CSMD1: variants seen among roughly 807,000 people sequenced by gnomAD.
CSMD1 encodes CUB and Sushi multiple domains 1, also known as CUB and sushi domain-containing protein 1.
A neutral mutation model predicts 417.5 loss-of-function variants in CSMD1; 213 were observed. The observed-to-expected ratio is 0.51, with a 90% CI of 0.46 to 0.57. The LOEUF is 0.57. Among genes scored for constraint, CSMD1 ranks in the 20% least tolerant of loss-of-function variants. The probability of loss-of-function intolerance (pLI) is 0.00; values close to 1 mark genes in which losing one functional copy is unlikely to be tolerated. For synonymous variants in CSMD1, 2,862 were observed against 1,736.8 expected (o/e 1.65, Z -16.11); for missense variants, 6,923 against 4,529.7 (o/e 1.53, Z -15.17).
intron 3 of CSMD1, among the ~76,000 whole-genome samples, chr8:4,069,499 G>A (rs377197486): frequency 6.6e-6 from 1 of 152,140 alleles, no homozygotes; most frequent in Admixed American, 6.5e-5. Context: ...TGTGCAGACA[G>A]CCTGACATTT....
intron 3 of CSMD1, among the ~76,000 whole-genome samples, chr8:4,316,453 G>T (rs372701720): frequency 2.6e-5 from 4 of 151,912 alleles, no homozygotes; most frequent in Admixed American, 6.6e-5. Flanking sequence ...TGTGGTTTTC[G>T]CCATTACTTT....
intron 1 of CSMD1, among the ~76,000 whole-genome samples, chr8:4,721,643 A>T (rs1049365778): frequency 5.9e-5 from 9 of 152,228 alleles, no homozygotes; most frequent in African/African-American, 2.2e-4. Flanking sequence ...ATGGAAGAGT[A>T]TGGAGGTTCC....
At chr8:3,198,123 A>G (rs900094625) in intron 33 of CSMD1, among the ~76,000 whole-genome samples, 2 of 152,212 alleles carry the variant, frequency 1.3e-5, no homozygotes. Context: ...ATTACTTTAA[A>G]TAAGCATAAT....
intron 7 of CSMD1, among the ~76,000 whole-genome samples, chr8:3,692,071 G>C (rs1800277555): frequency 6.6e-6 from 1 of 152,176 alleles, no homozygotes; most frequent in African/African-American, 2.4e-5. Context: ...TGAGATCTCA[G>C]TCAACTTCGC....
At chr8:3,535,257 T>C (rs1261578700) in intron 10 of CSMD1, among the ~76,000 whole-genome samples, 1 of 152,078 alleles carries the variant, frequency 6.6e-6, no homozygotes, top group African/African-American at 2.4e-5. Context: ...CCAGCCACTG[T>C]GGGAAGCTAA....
intron 2 of CSMD1, among the ~76,000 whole-genome samples, chr8:4,455,303 A>T (rs760368535): frequency 5.9e-5 from 9 of 152,210 alleles, no homozygotes; most frequent in Non-Finnish European, 1.3e-4. Flanking sequence ...TCTTGCATCC[A>T]TTAGCAAAGA....
intron 8 of CSMD1, among the ~76,000 whole-genome samples, chr8:3,603,175 A>C (rs898597589): frequency 1.3e-5 from 2 of 152,190 alleles, no homozygotes; most frequent in African/African-American, 4.8e-5. Flanking sequence ...GTAGTTCTTA[A>C]AAAATGCAGT....
chr8:4,806,241 G>C (rs542236241), intron 1 of CSMD1, among the ~76,000 whole-genome samples: 1 of 152,088 alleles, frequency 6.6e-6, no homozygotes, highest in African/African-American at 2.4e-5. Flanking sequence ...ATAGCTTACT[G>C]AGGATCATGC....
intron 25 of CSMD1, among the ~76,000 whole-genome samples, chr8:3,300,845 G>T (rs1393118528): frequency 6.6e-6 from 1 of 150,838 alleles, no homozygotes; most frequent in Non-Finnish European, 1.5e-5. Flanking sequence ...TGTAATCCCA[G>T]CTACTCAGGA....
chr8:3,707,432 A>G (rs1024516216), intron 7 of CSMD1, among the ~76,000 whole-genome samples: 2 of 152,258 alleles, frequency 1.3e-5, no homozygotes, highest in East Asian at 3.8e-4. Flanking sequence ...GGCTAGAAAC[A>G]TCACATGAAA....
At chr8:3,608,320 A>G (rs1471610) in intron 8 of CSMD1, among the ~76,000 whole-genome samples, 113,728 of 152,042 alleles carry the variant, frequency 0.75, 42,962 homozygotes, top group Middle Eastern at 0.82. Context: ...ATGGATAGAC[A>G]TGAAGGGGGC....
At chr8:4,313,076 C>G (rs898990478) in intron 3 of CSMD1, among the ~76,000 whole-genome samples, 3 of 152,088 alleles carry the variant, frequency 2.0e-5, no homozygotes, top group Non-Finnish European at 4.4e-5. Context: ...CCCATGATAG[C>G]CATAGAGCTA....
intron 1 of CSMD1, among the ~76,000 whole-genome samples, chr8:4,786,070 G>C (rs1388582557): frequency 6.6e-6 from 1 of 151,944 alleles, no homozygotes; most frequent in Admixed American, 6.6e-5. Context: ...ATAAAAATAC[G>C]AATAAAATGG....
chr8:3,574,467 G>A (rs374169682), intron 10 of CSMD1, among the ~76,000 whole-genome samples: 1 of 152,076 alleles, frequency 6.6e-6, no homozygotes, highest in Non-Finnish European at 1.5e-5. Flanking sequence ...ACTGGTTTTA[G>A]AACTCCTGAC....
chr8:4,744,736 A>G (rs1358479562), intron 1 of CSMD1, among the ~76,000 whole-genome samples: 1 of 152,188 alleles, frequency 6.6e-6, no homozygotes, highest in Non-Finnish European at 1.5e-5. Context: ...TAATTATACT[A>G]ATTAGTGTAT....
chr8:4,610,783 T>C (rs1025125152), intron 2 of CSMD1, among the ~76,000 whole-genome samples: 22 of 152,220 alleles, frequency 1.4e-4, no homozygotes, highest in African/African-American at 4.8e-4. Context: ...ACATGGTTGA[T>C]ATTGCCTTTC....
At chr8:4,447,924 A>G (rs1403895529) in intron 2 of CSMD1, among the ~76,000 whole-genome samples, 1 of 152,182 alleles carries the variant, frequency 6.6e-6, no homozygotes, top group Non-Finnish European at 1.5e-5. Flanking sequence ...AAATGACGAC[A>G]ATTACCACAC....
chr8:3,187,040 T>A (rs1301875678), intron 36 of CSMD1, among the ~76,000 whole-genome samples: 1 of 152,210 alleles, frequency 6.6e-6, no homozygotes, highest in East Asian at 1.9e-4. Context: ...CCACTGCACC[T>A]GGCCATACTC....
At chr8:3,805,932 C>A (rs10103340) in intron 5 of CSMD1, among the ~76,000 whole-genome samples, 1 of 151,752 alleles carries the variant, frequency 6.6e-6, no homozygotes, top group African/African-American at 2.4e-5. Flanking sequence ...AAAGCACTGA[C>A]ACACCTGCTC....
Sources: gnomAD v4.1 joint callset for allele counts (sites outside exome capture counted in the v4.1 genomes callset) on GRCh38, gnomAD v4.1.1 for gene constraint, MANE v1.5 for transcripts, NCBI Gene and HGNC (gene_info 2026-07-23, HGNC 2026-07-21) for gene names.